CFAP91: variants seen among roughly 807,000 people sequenced by gnomAD.
CFAP91 encodes the protein cilia and flagella associated protein 91, also known as cilia- and flagella-associated protein 91.
A neutral mutation model predicts 95.9 loss-of-function variants in CFAP91; 85 were observed. The ratio of observed to expected loss-of-function variants is 0.89; its 90% confidence interval spans 0.74 to 1.06. The LOEUF (loss-of-function observed/expected upper bound fraction) is 1.06. Ranked by LOEUF, CFAP91 falls within the 50% of genes least tolerant of loss-of-function variation. CFAP91 has a pLI of 0.00. For missense variants in CFAP91, 962 were observed against 943.4 expected, an observed-to-expected ratio of 1.02 and a Z score of -0.26; for synonymous variants, 335 against 327.5, an observed-to-expected ratio of 1.02 and a Z score of -0.25.
intron 6 of CFAP91, among the ~76,000 whole-genome samples, chr3:119,723,845 GA>G (rs34197468): frequency 1.3e-5 from 2 of 152,120 alleles, no homozygotes; most frequent in African/African-American, 2.4e-5. Context: ...AAATGCATTA[GA>G]AAAGTGCTTG....
chr3:119,720,232 C>CAAAA (rs71293247), intron 6 of CFAP91, among the ~76,000 whole-genome samples: 4 of 128,302 alleles, frequency 3.1e-5, no homozygotes, highest in African/African-American at 1.2e-4. Context: ...ACTAAAAATA[C>CAAAA]AAAAAAAAAA....
chr3:119,703,304 G>A (rs1193736571), intron 1 of CFAP91, 82 bp downstream of exon 1: 1 of 1,568,982 alleles, frequency 6.4e-7, no homozygotes, highest in Non-Finnish European at 8.6e-7. Flanking sequence ...CTGGCCAGGG[G>A]CATGGCGAAC....
Position 119,736,378 on chromosome 3 carries a change from T to C in CFAP91, c.1345-988T>C, listed in dbSNP as rs2054007358. ...GCTCTGCCTCCCAGGTTGACGCCATTCTCCTGCCTCAGCCTCCTGAGTAGC... is the reference window on the plus strand; with the variant it reads ...GCTCTGCCTCCCAGGTTGACGCCATCCTCCTGCCTCAGCCTCCTGAGTAGC... On this transcript the variant is annotated intron_variant, in intron 10 of 17. Coordinates refer to ENST00000273390, the MANE Select transcript of CFAP91 (RefSeq NM_033364.4). Among the ~76,000 whole-genome samples the C allele has an allele frequency of 5.3e-5, 8 of 150,214 alleles. No homozygotes were observed. In the South Asian group the frequency reaches 1.7e-3, roughly 32 times the overall value.
chr3:119,722,334 C>T (rs1363794326), intron 6 of CFAP91, among the ~76,000 whole-genome samples: 1 of 152,080 alleles, frequency 6.6e-6, no homozygotes, highest in Non-Finnish European at 1.5e-5. Flanking sequence ...TGGCATATGC[C>T]TGTAGTCCCA....
In CFAP91 at chr3:119,707,521, C is replaced by T. The variant is rs1489471988; in HGVS notation, c.319C>T (p.His107Tyr). Residue 107 changes from histidine (H) to tyrosine (Y), a missense_variant, in exon 3 of 18, where the codon CAT becomes TAT. Physicochemically the swap from His to Tyr is moderately conservative, Grantham distance 83. Transcript: ENST00000273390. ...PPFISREWKG[H>Y]KEKHREALRQ... is the part of the protein sequence containing the mutation. Reference sequence around the variant, plus strand: ...ATTTATCAGTCGGGAATGGAAGGGACATAAGGAGAAACACAGAGAAGCCCT... The same window carrying T: ...ATTTATCAGTCGGGAATGGAAGGGATATAAGGAGAAACACAGAGAAGCCCT... 6.3e-7 allele frequency: 1 copy of T among 1,594,924 alleles called. No homozygotes were observed. Among genetic ancestry groups the T allele is most frequent in the South Asian group, 1.1e-5 (1 of 88,346 alleles).
intron 13 of CFAP91, 51 bp downstream of exon 13, chr3:119,740,746 G>A (rs757686743): frequency 6.4e-7 from 1 of 1,561,996 alleles, no homozygotes; most frequent in South Asian, 1.2e-5. Flanking sequence ...TTTCTCCCTT[G>A]ATTTTATCAT....
In CFAP91 at chr3:119,744,290, T is replaced by C. The variant is rs2054181573; in HGVS notation, c.1902+94T>C. On this transcript the variant is annotated intron_variant, in intron 14 of 17. Coordinates refer to ENST00000273390, the MANE Select transcript of CFAP91 (RefSeq NM_033364.4). ...GACATAAAATGGCATTTGGCTTTTG[T>C]TTATGCATTGAGTTCCTACTGTATG... 4.7e-5 allele frequency: 47 copies of C among 998,994 alleles called. 1 individual carries two copies. In the South Asian group the frequency reaches 7.9e-4, roughly 17 times the overall value. The allele number at this position is 998,994 out of a possible 1,614,324, so 61.9% of individuals were successfully genotyped here.
intron 4 of CFAP91, 37 bp from the exon 5 acceptor site, chr3:119,709,802 A>G (rs1434534050): frequency 2.0e-6 from 3 of 1,521,670 alleles, no homozygotes; most frequent in East Asian, 4.5e-5. Flanking sequence ...ATTCATTGCA[A>G]AAGTCCCACA....
In CFAP91 at chr3:119,738,330, G is replaced by GTTTTTTT. The variant is rs1559761130; in HGVS notation, c.1461+849_1461+850insTTTTTTT. 2.1e-3 allele frequency among the ~76,000 whole-genome samples: 50 copies of GTTTTTTT among 23,728 alleles called. 2 individuals carry two copies. Among genetic ancestry groups the GTTTTTTT allele is most frequent in the Non-Finnish European group, 5.7e-3 (47 of 8,206 alleles). The allele number at this position is 23,728 out of a possible 152,430, so 15.6% of individuals were successfully genotyped here. A position where few individuals can be genotyped will look rare whatever the true frequency, so the allele number is the denominator to read the frequency against. On this transcript the variant is annotated intron_variant, in intron 11 of 17. Coordinates refer to ENST00000273390, the MANE Select transcript of CFAP91 (RefSeq NM_033364.4). ...TGTGCAGGGCTTTGGTTGACATATT[G>GTTTTTTT]TCTTTTTTTTTTTTTTTTTTTTTTT... is the stretch of plus-strand genomic sequence containing the variant.
At chr3:119,734,002 A>G (rs2053952414) in intron 10 of CFAP91, among the ~76,000 whole-genome samples, 1 of 152,138 alleles carries the variant, frequency 6.6e-6, no homozygotes, top group East Asian at 1.9e-4. Flanking sequence ...TAGCTGGACT[A>G]TAGGTGTATA....
chr3:119,738,178 A>AGGTGTTG (rs1304934439), intron 11 of CFAP91, among the ~76,000 whole-genome samples: 8 of 152,030 alleles, frequency 5.3e-5, no homozygotes, highest in Admixed American at 5.2e-4. Context: ...GGCTGAGGGC[A>AGGTGTTG]GGTGTTGGTG....
intron 17 of CFAP91, 110 bp downstream of exon 17, chr3:119,751,208 A>G: frequency 8.2e-7 from 1 of 1,214,404 alleles, no homozygotes; most frequent in Non-Finnish European, 1.1e-6. Context: ...CTGTTTAAGA[A>G]ATGGAGGACT....
At chr3:119,761,111 T>C (rs190747107) in intron 17 of CFAP91, among the ~76,000 whole-genome samples, 1 of 150,118 alleles carries the variant, frequency 6.7e-6, no homozygotes, top group East Asian at 1.9e-4. Flanking sequence ...AAGATAAAAT[T>C]GACAAACCTT....
chr3:119,738,972 A>T (rs1032852864), intron 11 of CFAP91, among the ~76,000 whole-genome samples: 1 of 152,206 alleles, frequency 6.6e-6, no homozygotes, highest in Non-Finnish European at 1.5e-5. Flanking sequence ...GCTGGAAAGG[A>T]ATATAGGGAA....
At chr3:119,763,147 A>C (rs1485527098) in intron 17 of CFAP91, among the ~76,000 whole-genome samples, 1 of 152,112 alleles carries the variant, frequency 6.6e-6, no homozygotes. Flanking sequence ...CCAATTAAAA[A>C]ATGGGCAAAG....
At chr3:119,703,280 C>G in intron 1 of CFAP91, 58 bp downstream of exon 1, 1 of 1,594,418 alleles carries the variant, frequency 6.3e-7, no homozygotes, top group Non-Finnish European at 8.5e-7. Flanking sequence ...AGGTGGGCTC[C>G]CAGATGGTGG....
At chr3:119,711,716 G>A (rs2053476702) in intron 5 of CFAP91, among the ~76,000 whole-genome samples, 1 of 152,202 alleles carries the variant, frequency 6.6e-6, no homozygotes, top group Non-Finnish European at 1.5e-5. Context: ...TGTTATCAGG[G>A]ATGGAATTGT....
chr3:119,706,955 C>A, intron 2 of CFAP91, 70 bp downstream of exon 2: 4 of 1,171,002 alleles, frequency 3.4e-6, no homozygotes, highest in South Asian at 1.3e-5. Flanking sequence ...CTGCATTGAT[C>A]AGATTGACTA....
intron 14 of CFAP91, among the ~76,000 whole-genome samples, chr3:119,744,609 G>T (rs1385141795): frequency 6.6e-6 from 1 of 152,202 alleles, no homozygotes; most frequent in African/African-American, 2.4e-5. Flanking sequence ...ATTACATCCA[G>T]TTTCGGGCTT....
Sources: gnomAD v4.1 joint callset for allele counts (sites outside exome capture counted in the v4.1 genomes callset) on GRCh38, gnomAD v4.1.1 for gene constraint, MANE v1.5 for transcripts, NCBI Gene and HGNC (gene_info 2026-07-23, HGNC 2026-07-21) for gene names.